Variants in FRMD6 observed in about 807,000 individuals in gnomAD.
FRMD6 encodes FERM domain-containing protein 6.
A neutral mutation model predicts 73.2 loss-of-function variants in FRMD6; 37 were observed. The ratio of observed to expected loss-of-function variants is 0.51; its 90% CI spans 0.39 to 0.66. The LOEUF (loss-of-function observed/expected upper bound fraction) is 0.66. FRMD6 is among the 30% of genes least tolerant of loss of function. The pLI is 0.00. For synonymous variants in FRMD6, 273 were observed against 282.2 expected, an observed-to-expected ratio of 0.97 and a Z score of 0.33; for missense variants, 714 against 780.5, an observed-to-expected ratio of 0.91 and a Z score of 1.02.
chr14:51,671,563 A>G (rs1383883502), intron 1 of FRMD6, among the ~76,000 whole-genome samples: 1 of 152,196 alleles, frequency 6.6e-6, no homozygotes, highest in Non-Finnish European at 1.5e-5. Flanking sequence ...GTAAGACAGC[A>G]GGACAGCAGT....
Position 51,721,749 on chromosome 14 carries a change from A to AAGGAG in FRMD6, c.1361-200_1361-199insAGGAG, listed in dbSNP as rs1460277320. ...GAGGAAGGGAGGGAGGAAGGAAGGGAGGAAGGAAGGAGGGAAGGAGGGAAG... is the reference window on the plus strand; with the variant it reads ...GAGGAAGGGAGGGAGGAAGGAAGGGAAGGAGGGAAGGAAGGAGGGAAGGAGGGAAG... On this transcript the variant is annotated intron_variant, in intron 11 of 13. Transcript: ENST00000344768. 4.2e-3 allele frequency among the ~76,000 whole-genome samples: 234 copies of AAGGAG among 55,300 alleles called. 6 individuals are homozygous for AAGGAG. The highest frequency in any genetic ancestry group is 0.025 in the South Asian group (28 of 1,132). 36.3% of individuals were successfully genotyped at this position (55,300 alleles called of 152,430 possible).
chr14:51,567,899 A>T (rs1386513003), intron 1 of FRMD6, among the ~76,000 whole-genome samples: 1 of 152,232 alleles, frequency 6.6e-6, no homozygotes, highest in Admixed American at 6.5e-5. Flanking sequence ...AAATGTTTGC[A>T]GTTGGTATTT....
chr14:51,708,031 C>A (rs773283898), intron 6 of FRMD6, 47 bp from the exon 7 acceptor site: 4 of 1,591,172 alleles, frequency 2.5e-6, no homozygotes, highest in Middle Eastern at 1.7e-4. Context: ...GTAGAACTTA[C>A]ATCTCTCCAA....
intron 6 of FRMD6, among the ~76,000 whole-genome samples, chr14:51,707,655 G>A (rs988578010): frequency 1.3e-5 from 2 of 152,134 alleles, no homozygotes; most frequent in African/African-American, 2.4e-5. Flanking sequence ...CCCAGTCTGT[G>A]GCTGAAATTT....
chr14:51,587,561 T>A (rs1889124353), intron 2 of FRMD6, among the ~76,000 whole-genome samples: 1 of 152,206 alleles, frequency 6.6e-6, no homozygotes, highest in African/African-American at 2.4e-5. Flanking sequence ...TAAGGTGTTT[T>A]GAGCTGCATT....
intron 1 of FRMD6, among the ~76,000 whole-genome samples, chr14:51,535,338 G>T (rs908625442): frequency 3.3e-5 from 5 of 152,114 alleles, no homozygotes; most frequent in African/African-American, 2.4e-5. Context: ...ACCCTATACT[G>T]TTTACCAATC....
intron 2 of FRMD6, among the ~76,000 whole-genome samples, chr14:51,693,106 G>C (rs1235713345): frequency 6.6e-6 from 1 of 152,080 alleles, no homozygotes; most frequent in African/African-American, 2.4e-5. Flanking sequence ...AAAACACATG[G>C]ATATACTTAA....
chr14:51,626,022 G>A (rs1221504307), intron 2 of FRMD6, among the ~76,000 whole-genome samples: 3 of 152,214 alleles, frequency 2.0e-5, no homozygotes, highest in African/African-American at 7.2e-5. Context: ...ACAAATGAAT[G>A]AAAGTAAGAA....
intron 2 of FRMD6, among the ~76,000 whole-genome samples, chr14:51,690,772 A>C (rs1415002023): frequency 6.6e-6 from 1 of 152,206 alleles, no homozygotes; most frequent in African/African-American, 2.4e-5. Context: ...TAGGCTGAAC[A>C]TTTGAGCACT....
intron 1 of FRMD6, among the ~76,000 whole-genome samples, chr14:51,502,510 G>A (rs898731834): frequency 9.9e-5 from 15 of 152,068 alleles, no homozygotes; most frequent in African/African-American, 2.7e-4. Flanking sequence ...TATGATTATA[G>A]GTGTCTGGTT....
rs148583737 is a variant in FRMD6, at chr14:51,579,855, C to T, written c.-147+9445C>T. Among the ~76,000 whole-genome samples, 351 of 152,262 alleles carry T rather than the reference C, an allele frequency of 2.3e-3. 1 individual carries two copies. The highest frequency in any genetic ancestry group is 7.5e-3 in the African/African-American group (310 of 41,542). ...CCATTTACAATCTGACACATGTACACACTCACCACCACTAAAAGCAACAAT... is the reference window on the plus strand; with the variant it reads ...CCATTTACAATCTGACACATGTACATACTCACCACCACTAAAAGCAACAAT... On this transcript the variant is annotated intron_variant, in intron 2 of 14. Transcript: ENST00000356218.
At chr14:51,442,447 T>C in the FRMD6 span, among the ~76,000 whole-genome samples, 1 of 152,224 alleles carries the variant, frequency 6.6e-6, no homozygotes, top group South Asian at 2.1e-4. Flanking sequence ...GTGATAGTGC[T>C]AATTAAATTA....
At chr14:51,556,218 C>T (rs1163095813) in intron 1 of FRMD6, among the ~76,000 whole-genome samples, 1 of 152,220 alleles carries the variant, frequency 6.6e-6, no homozygotes, top group South Asian at 2.1e-4. Context: ...TTGATTACTG[C>T]TTCCTTTCTA....
chr14:51,564,123 C>T (rs1339671593), intron 1 of FRMD6, among the ~76,000 whole-genome samples: 1 of 152,162 alleles, frequency 6.6e-6, no homozygotes, highest in African/African-American at 2.4e-5. Flanking sequence ...CAGATTGGCC[C>T]GATTTCCTCC....
At chr14:51,539,482 T>C (rs565267398) in intron 1 of FRMD6, among the ~76,000 whole-genome samples, 2 of 152,312 alleles carry the variant, frequency 1.3e-5, no homozygotes, top group African/African-American at 4.8e-5. Context: ...ACAAGCATTT[T>C]TTGAAAGAAA....
intron 2 of FRMD6, among the ~76,000 whole-genome samples, chr14:51,641,512 T>C (rs1251741829): frequency 4.6e-5 from 7 of 152,034 alleles, no homozygotes; most frequent in Non-Finnish European, 1.0e-4. Context: ...AAATGTGTAC[T>C]GAACGTCTTG....
chr14:51,558,192 G>A (rs1451090551), intron 1 of FRMD6, among the ~76,000 whole-genome samples: 1 of 151,958 alleles, frequency 6.6e-6, no homozygotes, highest in South Asian at 2.1e-4. Flanking sequence ...AATGAGGCCG[G>A]GCACGATGGC....
intron 3 of FRMD6, among the ~76,000 whole-genome samples, 195 bp downstream of exon 3, chr14:51,698,427 T>C (rs1478450495): frequency 6.6e-6 from 1 of 152,154 alleles, no homozygotes. Flanking sequence ...TTACAATATT[T>C]AGGATTTTAG....
chr14:51,434,233 G>T, the FRMD6 span, among the ~76,000 whole-genome samples: 2 of 152,136 alleles, frequency 1.3e-5, no homozygotes, highest in African/African-American at 4.8e-5. Context: ...GTAATATACA[G>T]ACACATATTT....
Sources: allele counts gnomAD v4.1 joint callset (sites outside exome capture counted in the v4.1 genomes callset), GRCh38; gene constraint gnomAD v4.1.1; transcripts MANE v1.5; gene names NCBI Gene and HGNC (gene_info 2026-07-23, HGNC 2026-07-21).